Variants in PDE2A observed in about 807,000 individuals in gnomAD.
PDE2A encodes phosphodiesterase 2A, also known as cGMP-dependent 3',5'-cyclic phosphodiesterase.
In PDE2A, 53 loss-of-function variants were observed where a neutral mutation model predicts 133.6. That is an observed-to-expected ratio of 0.40 (90% confidence interval 0.32 to 0.50). The LOEUF (loss-of-function observed/expected upper bound fraction) is 0.50, where lower values mean the gene tolerates loss of function less well. Ranked by LOEUF, PDE2A falls within the 20% of genes least tolerant of loss-of-function variation. PDE2A has a pLI of 0.73. For synonymous variants in PDE2A, 491 were observed against 490.2 expected, an observed-to-expected ratio of 1.00 and a Z score of -0.02; for missense variants, 796 against 1,232.4, an observed-to-expected ratio of 0.65 and a Z score of 5.30.
intron 14 of PDE2A, 25 bp from the exon 15 acceptor site, chr11:72,585,618 TA>T (rs764063186): frequency 6.2e-7 from 1 of 1,611,958 alleles, no homozygotes; most frequent in South Asian, 1.1e-5. Context: ...ATGGAGATCA[TA>T]GGGGGGTCGG....
At chr11:72,586,315 G>T in intron 13 of PDE2A, 134 bp from the exon 14 acceptor site, 1 of 644,894 alleles carries the variant, frequency 1.6e-6, no homozygotes, top group Admixed American at 2.4e-5. Flanking sequence ...CAGGCCCTTG[G>T]AACAGCTTCC....
rs190509383 is a variant in PDE2A at position 72,619,715 on chromosome 11, G to A, written c.145-10964C>T. 2.0e-5 allele frequency among the ~76,000 whole-genome samples: 3 copies of A among 152,270 alleles called. No homozygotes were observed. In the East Asian group the frequency reaches 5.8e-4, roughly 29 times the overall value. On this transcript the variant is annotated intron_variant, in intron 2 of 30. Coordinates refer to ENST00000334456, the MANE Select transcript of PDE2A (RefSeq NM_002599.5). ...TCTCCAAATGAGTGAGTGAACGTGT[G>A]GCTGAGAGTGGTGGAATCTGAGAGG...
At chr11:72,584,138 C>G (rs1457670520) in intron 19 of PDE2A, 63 bp downstream of exon 19, 3 of 848,350 alleles carry the variant, frequency 3.5e-6, no homozygotes, top group Non-Finnish European at 5.7e-6. Context: ...GGAGGAGAAC[C>G]GAGGGTCCTT....
intron 6 of PDE2A, among the ~76,000 whole-genome samples, chr11:72,593,105 C>T (rs1440988449): frequency 6.6e-6 from 1 of 151,994 alleles, no homozygotes; most frequent in Non-Finnish European, 1.5e-5. Context: ...TGCACAAACA[C>T]ACACACCTAC....
Position 72,597,645 on chromosome 11 carries a change from T to C in PDE2A, c.324-26A>G. The stretch of plus-strand genomic sequence containing the variant: ...CTGAAAAGAGGACATGATGCCACCT[T>C]GAGAGCCCCCGACTCAGGGAGGAAC... On this transcript the variant is annotated intron_variant, in intron 4 of 30. Transcript: ENST00000334456. This position sits in a 1 kb window ranked among gnomAD's most constrained non-coding sequence, Gnocchi z 4.6. 6.7e-7 allele frequency: 1 copy of C among 1,490,568 alleles called. No individual in the cohort carries two copies. The allele number at this position is 1,490,568 out of a possible 1,614,324, so 92.3% of individuals were successfully genotyped here. A position where few individuals can be genotyped will look rare whatever the true frequency, so the allele number is the denominator to read the frequency against.
Position 72,595,693 on chromosome 11 carries a change from T to C in PDE2A, c.489+900A>G, listed in dbSNP as rs1184290911. On this transcript the variant is annotated intron_variant, in intron 6 of 30. Coordinates refer to ENST00000334456, the MANE Select transcript of PDE2A (RefSeq NM_002599.5). The stretch of plus-strand genomic sequence containing the variant: ...CTGTCCATGCCCCCAAGCCTGCCCT[T>C]TACTGGAATGGCAGCCCCCTCGACA... 2.6e-5 allele frequency among the ~76,000 whole-genome samples: 4 copies of C among 152,018 alleles called. No homozygotes were observed. The South Asian group carries it at 6.2e-4, about 24-fold the overall frequency.
chr11:72,658,065 C>G (rs1159007729), intron 1 of PDE2A: 1 of 456,238 alleles, frequency 2.2e-6, no homozygotes, highest in Middle Eastern at 3.3e-4. Context: ...TTTAATCCTC[C>G]CAGAAAACCT....
chr11:72,670,859 G>C (rs779161260), intron 1 of PDE2A, among the ~76,000 whole-genome samples: 1 of 135,062 alleles, frequency 7.4e-6, no homozygotes, highest in Non-Finnish European at 1.7e-5. Flanking sequence ...GGCTGCCCAG[G>C]AGGGAAGAGA....
In PDE2A at chr11:72,584,734, G is replaced by A. The variant is rs759363151; in HGVS notation, c.1360-6C>T. On this transcript the variant is annotated splice_polypyrimidine_tract_variant and splice_region_variant and intron_variant, in intron 17 of 30. Coordinates refer to ENST00000334456, the MANE Select transcript of PDE2A (RefSeq NM_002599.5). ...GGGATGCGGATCTCATAGCTCTGCC[G>A]GAGCAGAGATGGAGTCGAGAGGAAG... is the stretch of plus-strand genomic sequence containing the variant. The A allele has an allele frequency of 3.7e-6, 6 of 1,613,018 alleles. No individual in the cohort carries two copies. The highest frequency in any genetic ancestry group is 5.1e-6 in the Non-Finnish European group (6 of 1,179,812).
At chr11:72,615,963 A>G (rs2135383053) in intron 2 of PDE2A, among the ~76,000 whole-genome samples, 1 of 152,232 alleles carries the variant, frequency 6.6e-6, no homozygotes, top group African/African-American at 2.4e-5. Flanking sequence ...GCCCCTGGTG[A>G]GGTGGCAGGC....
intron 2 of PDE2A, among the ~76,000 whole-genome samples, chr11:72,616,926 G>GGGCCTCA (rs1273374668): frequency 6.6e-6 from 1 of 152,232 alleles, no homozygotes; most frequent in African/African-American, 2.4e-5. Flanking sequence ...AGGGGCTACA[G>GGGCCTCA]GGCCTCAGGC....
chr11:72,584,176 A>ACCCCCCC, intron 19 of PDE2A, 25 bp downstream of exon 19: 2 of 787,098 alleles, frequency 2.5e-6, no homozygotes, highest in South Asian at 1.4e-5. Context: ...ATCACCCCAC[A>ACCCCCCC]CCCCACTCCC....
Position 72,577,148 on chromosome 11 carries a change from C to T in PDE2A, c.*236G>A. 1.9e-6 allele frequency: 1 copy of T among 535,116 alleles called. No individual in the cohort carries two copies. The highest frequency in any genetic ancestry group is 2.8e-5 in the South Asian group (1 of 35,944). 33.1% of individuals were successfully genotyped at this position (535,116 alleles called of 1,614,324 possible). ...GAGGTGCAGAGTAGGGCCCACTGCTCATTGGTCACCCCTGTGCTCTCAGAA... is the reference window on the plus strand; with the variant it reads ...GAGGTGCAGAGTAGGGCCCACTGCTTATTGGTCACCCCTGTGCTCTCAGAA... On this transcript the variant is annotated 3_prime_UTR_variant, in exon 31 of 31. Coordinates refer to ENST00000334456, the MANE Select transcript of PDE2A (RefSeq NM_002599.5).
rs1854838808 is a variant in PDE2A, at chr11:72,654,526, G to A, written c.72-12200C>T. Among the ~76,000 whole-genome samples, 3 of 152,140 alleles carry A rather than the reference G, an allele frequency of 2.0e-5. No homozygotes were observed. In the South Asian group the frequency reaches 6.2e-4, roughly 32 times the overall value. ...AGCCCCTCCCAGAGGGAGAGTGTGGGGTGGCCTGGGGTGGGTCCCCAGCCC... is the reference window on the plus strand; with the variant it reads ...AGCCCCTCCCAGAGGGAGAGTGTGGAGTGGCCTGGGGTGGGTCCCCAGCCC... On this transcript the variant is annotated intron_variant, in intron 1 of 30. Coordinates refer to ENST00000334456, the MANE Select transcript of PDE2A (RefSeq NM_002599.5).
At chr11:72,660,565 G>A (rs1345910827) in intron 1 of PDE2A, among the ~76,000 whole-genome samples, 1 of 152,116 alleles carries the variant, frequency 6.6e-6, no homozygotes, top group African/African-American at 2.4e-5. Context: ...GCCCTAATGA[G>A]GTGGGCTCTA....
intron 13 of PDE2A, 97 bp from the exon 14 acceptor site, chr11:72,586,278 C>A: frequency 1.3e-6 from 1 of 749,548 alleles, no homozygotes; most frequent in East Asian, 2.7e-5. Context: ...ACAGGGGTAC[C>A]CACCTGCCAA....
intron 2 of PDE2A, among the ~76,000 whole-genome samples, chr11:72,639,934 C>T (rs893692313): frequency 4.6e-5 from 7 of 152,028 alleles, no homozygotes; most frequent in African/African-American, 1.2e-4. Flanking sequence ...ATATTCCACA[C>T]GCCCCAAATG....
intron 1 of PDE2A, among the ~76,000 whole-genome samples, chr11:72,663,479 A>G (rs1007644206): frequency 3.9e-5 from 6 of 152,216 alleles, no homozygotes; most frequent in African/African-American, 1.4e-4. Flanking sequence ...CTGTAATCCC[A>G]GCACTTTGGG....
At chr11:72,632,178 T>C (rs998043578) in intron 2 of PDE2A, among the ~76,000 whole-genome samples, 2 of 152,142 alleles carry the variant, frequency 1.3e-5, no homozygotes, top group African/African-American at 4.8e-5. Context: ...CCCCCTCTTC[T>C]CGCCTGGGCA....
Sources: allele counts gnomAD v4.1 joint callset (sites outside exome capture counted in the v4.1 genomes callset), GRCh38; gene constraint gnomAD v4.1.1; non-coding constraint Gnocchi (gnomAD v3.1); transcripts MANE v1.5; gene names NCBI Gene and HGNC (gene_info 2026-07-23, HGNC 2026-07-21).